The following MME variants were observed in gnomAD, a reference collection of about 807,000 sequenced individuals.
The protein encoded by MME is neprilysin.
Under a neutral mutation model 113.2 loss-of-function variants are expected in MME, and 98 were observed. The ratio of observed to expected loss-of-function variants is 0.87; its 90% CI spans 0.74 to 1.02. The LOEUF (loss-of-function observed/expected upper bound fraction) is 1.02. Among genes scored for constraint, MME ranks in the 50% least tolerant of loss-of-function variants. The probability of loss-of-function intolerance (pLI) is 0.00; values close to 1 mark genes in which losing one functional copy is unlikely to be tolerated. For synonymous variants in MME, 292 were observed against 300.6 expected, an observed-to-expected ratio of 0.97 and a Z score of 0.30; for missense variants, 836 against 896.0, an observed-to-expected ratio of 0.93 and a Z score of 0.86.
chr3:155,160,072 A>G (rs567361387), intron 16 of MME, among the ~76,000 whole-genome samples: 1 of 152,200 alleles, frequency 6.6e-6, no homozygotes, highest in South Asian at 2.1e-4. Context: ...ATAAAGCTAA[A>G]TAAATTTCAA....
At chr3:155,135,128 G>A (rs1272549864) in intron 8 of MME, among the ~76,000 whole-genome samples, 1 of 152,116 alleles carries the variant, frequency 6.6e-6, no homozygotes, top group African/African-American at 2.4e-5. Flanking sequence ...TGTGGCAGAA[G>A]CTATTTAATT....
chr3:155,026,768 C>G (rs1024713548), intron 1 of MME, among the ~76,000 whole-genome samples: 6 of 152,144 alleles, frequency 3.9e-5, no homozygotes, highest in African/African-American at 1.2e-4. Flanking sequence ...GAAAAAGAAG[C>G]CTCTTAAGTA....
chr3:155,156,837 A>C (rs1470725100), intron 16 of MME, among the ~76,000 whole-genome samples: 1 of 152,084 alleles, frequency 6.6e-6, no homozygotes, highest in African/African-American at 2.4e-5. Context: ...GTACCGGCTC[A>C]CTAACAATTT....
chr3:155,080,467 G>C lies in MME; in HGVS notation c.-11+1G>C, dbSNP rs1309663961. On this transcript the variant is annotated splice_donor_variant, in intron 1 of 22. Transcript: ENST00000360490. LOFTEE classifies it low-confidence loss of function (5UTR_SPLICE). ...TTTTTTCTTCTTTTTAAAAAGCAAG[G>C]TTTGTTTTCATTTTGGTTTCTGTCG... The C allele has an allele frequency of 1.3e-5, 2 of 152,084 alleles. No individual in the cohort carries two copies. The highest frequency in any genetic ancestry group is 1.3e-4 in the Admixed American group (2 of 15,268). 9.4% of individuals were successfully genotyped at this position (152,084 alleles called of 1,614,324 possible). A position where few individuals can be genotyped will look rare whatever the true frequency, so the allele number is the denominator to read the frequency against.
At chr3:155,072,167 CAAAAAA>C (rs71155031) in intron 1 of MME, among the ~76,000 whole-genome samples, 4 of 65,074 alleles carry the variant, frequency 6.1e-5, no homozygotes, top group African/African-American at 1.4e-4. Flanking sequence ...GACTCCGTCT[CAAAAAA>C]AAAAAAAAAA....
At chr3:155,051,366 A>G (rs1174242743) in intron 1 of MME, among the ~76,000 whole-genome samples, 2 of 152,240 alleles carry the variant, frequency 1.3e-5, no homozygotes, top group African/African-American at 2.4e-5. Context: ...CTACACTAGC[A>G]GAAACACTAT....
intron 3 of MME, among the ~76,000 whole-genome samples, chr3:155,099,920 G>T (rs1252807959): frequency 6.6e-6 from 1 of 152,158 alleles, no homozygotes; most frequent in Admixed American, 6.5e-5. Flanking sequence ...ACCCAGTAAT[G>T]GGATGGCTGG....
At chr3:155,103,787 T>A (rs1717460676) in intron 3 of MME, among the ~76,000 whole-genome samples, 1 of 152,182 alleles carries the variant, frequency 6.6e-6, no homozygotes, top group Non-Finnish European at 1.5e-5. Flanking sequence ...AGCTAAGTGT[T>A]GCTGTTCTTC....
At chr3:155,119,664 G>A (rs1294995848) in intron 8 of MME, among the ~76,000 whole-genome samples, 18 of 150,000 alleles carry the variant, frequency 1.2e-4, no homozygotes, top group East Asian at 9.9e-4. Context: ...GAGAATATGC[G>A]GTGTTTGGTT....
intron 1 of MME, 30 bp from the exon 2 acceptor site, chr3:155,084,125 GTTT>G: frequency 6.5e-7 from 1 of 1,530,046 alleles, no homozygotes; most frequent in Non-Finnish European, 9.1e-7. Context: ...TTATTTATTT[GTTT>G]TTCATTATTA....
intron 3 of MME, among the ~76,000 whole-genome samples, chr3:155,098,547 T>G (rs1296626365): frequency 7.1e-6 from 1 of 140,514 alleles, no homozygotes; most frequent in Non-Finnish European, 1.6e-5. Flanking sequence ...CAGAGTGAGA[T>G]TCTGTCTCAA....
At chr3:155,163,012 C>CAAAAAAAAA (rs57700088) in intron 17 of MME, among the ~76,000 whole-genome samples, 1 of 78,286 alleles carries the variant, frequency 1.3e-5, no homozygotes, top group Non-Finnish European at 2.6e-5. Flanking sequence ...AACTCTGTCT[C>CAAAAAAAAA]AAAAAAAAAA....
rs1559890042 is a variant in MME, at chr3:155,042,916, A to ATATATATATATATATATACG, written c.-11+18610_-11+18611insCGTATATATATATATATATA. ...TAGTAGGTTTTATATATATATATAT[A>ATATATATATATATATATACG]TATATATATATATATATATATATGT... On this transcript the variant is annotated intron_variant, in intron 1 of 22. Coordinates refer to the MME transcript ENST00000492661. Among the ~76,000 whole-genome samples the ATATATATATATATATATACG allele has an allele frequency of 1.5e-4, 7 of 47,086 alleles. No homozygotes were observed. The East Asian group carries it at 4.3e-3, about 29-fold the overall frequency. The allele number at this position is 47,086 out of a possible 152,430, so 30.9% of individuals were successfully genotyped here.
intron 8 of MME, among the ~76,000 whole-genome samples, chr3:155,132,870 G>T (rs531951910): frequency 1.3e-5 from 2 of 150,718 alleles, no homozygotes; most frequent in African/African-American, 4.9e-5. Flanking sequence ...CCTGACCAAC[G>T]TAGTGAAACC....
intron 16 of MME, among the ~76,000 whole-genome samples, chr3:155,159,877 G>A (rs374357490): frequency 2.2e-4 from 34 of 151,884 alleles, no homozygotes; most frequent in Admixed American, 8.5e-4. Context: ...ACTTTTAAAT[G>A]GCAATAATCA....
rs771747158 is a variant in MME at position 155,168,552 on chromosome 3, A to G, written c.1841A>G (p.Asn614Ser). The G allele has an allele frequency of 6.2e-7, 1 of 1,613,678 alleles. No homozygotes were observed. ...TGGTGGACTCAACAGTCTGCAAGTA[A>G]CTTTAAGGAGCAATCCCAGTGCATG... ...VDWWTQQSAS[N>S]FKEQSQCMVY... is the part of the protein sequence containing the mutation. Residue 614 changes from asparagine (N) to serine (S), a missense_variant, in exon 19 of 23, where the codon AAC becomes AGC. By Grantham distance (46) the Asn-to-Ser change is conservative. Coordinates refer to ENST00000360490, the MANE Select transcript of MME (RefSeq NM_007289.4).
At chr3:155,080,751 G>T (rs1467436322) in intron 1 of MME, among the ~76,000 whole-genome samples, 1 of 152,036 alleles carries the variant, frequency 6.6e-6, no homozygotes, top group Non-Finnish European at 1.5e-5. Flanking sequence ...TTAGCTTCTC[G>T]ATCAAGTCGA....
chr3:155,028,687 G>A lies in MME; in HGVS notation c.-11+4363G>A, dbSNP rs78442266. On this transcript the variant is annotated intron_variant, in intron 1 of 22. Coordinates refer to the MME transcript ENST00000492661. ...CTGTCTCAGAAGTTTAGGATCAAAC[G>A]TCAGGCTAAAGTAAAATGATTTTTG... 5.4e-3 allele frequency among the ~76,000 whole-genome samples: 823 copies of A among 152,236 alleles called. 2 individuals carry two copies. Among genetic ancestry groups the A allele is most frequent in the African/African-American group, 0.018 (764 of 41,552 alleles).
intron 22 of MME, among the ~76,000 whole-genome samples, chr3:155,176,390 C>T (rs960903464): frequency 1.3e-5 from 2 of 152,172 alleles, no homozygotes; most frequent in African/African-American, 4.8e-5. Flanking sequence ...TTATTATCTT[C>T]TGTTATTAGA....
Sources: allele counts gnomAD v4.1 joint callset (sites outside exome capture counted in the v4.1 genomes callset), GRCh38; gene constraint gnomAD v4.1.1; transcripts MANE v1.5; gene names NCBI Gene and HGNC (gene_info 2026-07-23, HGNC 2026-07-21).